Variants in TRAPPC12 observed in about 807,000 individuals in gnomAD.
TRAPPC12 encodes the protein trafficking protein particle complex subunit 12.
Under a neutral mutation model 69.2 loss-of-function variants are expected in TRAPPC12, and 61 were observed. That is an observed-to-expected ratio of 0.88 (90% CI 0.72 to 1.09). The LOEUF is 1.09. TRAPPC12 is among the 50% of genes least tolerant of loss of function. TRAPPC12 has a pLI of 0.00. For synonymous variants in TRAPPC12, 469 were observed against 438.9 expected (o/e 1.07, Z -0.86); for missense variants, 1,101 against 1,016.4 (o/e 1.08, Z -1.13).
At chr2:3,426,232 A>G (rs1351975267) in intron 5 of TRAPPC12, among the ~76,000 whole-genome samples, 1 of 152,254 alleles carries the variant, frequency 6.6e-6, no homozygotes, top group African/African-American at 2.4e-5. Context: ...GTAACTTTTA[A>G]TAACTAAAAT....
rs542706430 is a variant in TRAPPC12, at chr2:3,457,953, G to A, written c.1603+260G>A. 191 of 1,367,442 alleles carry A rather than the reference G, an allele frequency of 1.4e-4. 1 individual carries two copies. In the South Asian group the frequency reaches 1.4e-3, roughly 10 times the overall value. 84.7% of individuals were successfully genotyped at this position (1,367,442 alleles called of 1,614,324 possible). A position where few individuals can be genotyped will look rare whatever the true frequency, so the allele number is the denominator to read the frequency against. On this transcript the variant is annotated intron_variant, in intron 7 of 11. Transcript: ENST00000324266. ...CCTTCACCACAAAAGCACACGGCCC[G>A]GAACCTGCCACGCTGAGTGGTCTGA...
At chr2:3,415,009 C>T (rs1662290588) in intron 3 of TRAPPC12, among the ~76,000 whole-genome samples, 1 of 152,138 alleles carries the variant, frequency 6.6e-6, no homozygotes. Context: ...TACGGAGGAC[C>T]AACCAAGGAC....
chr2:3,465,648 G>A lies in TRAPPC12; in HGVS notation c.1729G>A (p.Glu577Lys). The change falls in exon 9 of 12, where the codon GAG becomes AAG. Residue 577 changes from glutamate (E) to lysine (K), a missense_variant. Coordinates refer to ENST00000324266, the MANE Select transcript of TRAPPC12 (RefSeq NM_016030.6). ...AYHSVIKYYP[E>K]QEPQLLSGIG... Reference sequence around the variant, plus strand: ...TCATTCGGTTATCAAGTATTACCCAGAGCAAGAGCCCCAGCTGCTCAGCGG... The same window carrying A: ...TCATTCGGTTATCAAGTATTACCCAAAGCAAGAGCCCCAGCTGCTCAGCGG... The A allele has an allele frequency of 6.2e-7, 1 of 1,614,210 alleles. No individual in the cohort carries two copies. The highest frequency in any genetic ancestry group is 8.5e-7 in the Non-Finnish European group (1 of 1,180,042).
intron 3 of TRAPPC12, 181 bp from the exon 4 acceptor site, chr2:3,421,700 C>T (rs763098789): frequency 1.9e-5 from 14 of 718,042 alleles, no homozygotes; most frequent in Middle Eastern, 4.6e-4. Context: ...ACACGTGCAG[C>T]GTTGACAAAT....
intron 8 of TRAPPC12, chr2:3,463,125 G>A: frequency 2.8e-6 from 1 of 353,678 alleles, no homozygotes; most frequent in Non-Finnish European, 5.8e-6. Context: ...TGGAGAGTAG[G>A]TTAAGCTCTC....
rs1660581870 is a variant in TRAPPC12 at position 3,387,989 on chromosome 2, C to G, written c.366C>G (p.Asp122Glu). 6.8e-7 allele frequency: 1 copy of G among 1,473,128 alleles called. No homozygotes were observed. The highest frequency in any genetic ancestry group is 1.3e-5 in the South Asian group (1 of 75,446). 91.3% of individuals were successfully genotyped at this position (1,473,128 alleles called of 1,614,324 possible). Residue 122 changes from aspartate (D) to glutamate (E), a missense_variant, in exon 2 of 12, where the codon GAC becomes GAG. Transcript: ENST00000324266. ...GEADGDCAPEDAAPSSGGAPR... is the reference protein window; with the variant it reads ...GEADGDCAPEEAAPSSGGAPR... ...CCGACGGCGACTGTGCCCCCGAGGACGCGGCACCCAGTAGCGGAGGGGCCC... is the reference window on the plus strand; with the variant it reads ...CCGACGGCGACTGTGCCCCCGAGGAGGCGGCACCCAGTAGCGGAGGGGCCC...
intron 8 of TRAPPC12, among the ~76,000 whole-genome samples, chr2:3,463,863 G>A (rs577390748): frequency 1.3e-5 from 2 of 152,276 alleles, no homozygotes; most frequent in South Asian, 2.1e-4. Flanking sequence ...TGCCCAGCAT[G>A]ATGGGTGCTC....
Position 3,398,177 on chromosome 2 carries a change from C to G in TRAPPC12, c.1048-3600C>G, listed in dbSNP as rs114933899. On this transcript the variant is annotated intron_variant, in intron 2 of 11. Transcript: ENST00000324266. Reference sequence around the variant, plus strand: ...AGTAATGCTACTGTGAACATTCACACACAGGCGTTTGTGTCTATGTGTTCT... The same window carrying G: ...AGTAATGCTACTGTGAACATTCACAGACAGGCGTTTGTGTCTATGTGTTCT... 6.1e-3 allele frequency among the ~76,000 whole-genome samples: 926 copies of G among 152,334 alleles called. 12 individuals carry two copies. Among genetic ancestry groups the G allele is most frequent in the African/African-American group, 0.021 (892 of 41,568 alleles).
chr2:3,448,803 TC>T, intron 6 of TRAPPC12, among the ~76,000 whole-genome samples: 1 of 152,148 alleles, frequency 6.6e-6, no homozygotes, highest in Non-Finnish European at 1.5e-5. Flanking sequence ...GGGAGCACAA[TC>T]CGGGCCGAGG....
At chr2:3,417,116 C>A (rs1466399634) in intron 3 of TRAPPC12, among the ~76,000 whole-genome samples, 2 of 152,162 alleles carry the variant, frequency 1.3e-5, no homozygotes. Context: ...GTTTACCAGG[C>A]ACTTTTCACG....
In TRAPPC12 at chr2:3,452,902, T is replaced by C. The variant is rs551727718; in HGVS notation, c.1531-4719T>C. Among the ~76,000 whole-genome samples, 147 of 152,380 alleles carry C rather than the reference T, an allele frequency of 9.6e-4. 1 individual carries two copies. The highest frequency in any genetic ancestry group is 3.4e-3 in the African/African-American group (143 of 41,594). On this transcript the variant is annotated intron_variant, in intron 6 of 11. Transcript: ENST00000324266. The stretch of plus-strand genomic sequence containing the variant: ...GTAATTAATATCCATTCAGCATCTT[T>C]AAAGCTTACAAAATGCTTCAAGTAC...
chr2:3,469,349 A>G (rs758057272), intron 9 of TRAPPC12, among the ~76,000 whole-genome samples: 5 of 152,272 alleles, frequency 3.3e-5, no homozygotes, highest in Non-Finnish European at 7.3e-5. Context: ...GGTAAATTTC[A>G]TAAGAAATAC....
chr2:3,471,400 T>A (rs527405221), intron 9 of TRAPPC12, among the ~76,000 whole-genome samples: 14 of 152,264 alleles, frequency 9.2e-5, no homozygotes, highest in Non-Finnish European at 1.9e-4. Flanking sequence ...ATAGCCACGT[T>A]CCCTGCCAAC....
chr2:3,421,956 A>C lies in TRAPPC12; in HGVS notation c.1240A>C (p.Ser414Arg), dbSNP rs1440720187. The part of the protein sequence containing the change: ...LTAHGQGYGK[S>R]GLLTSHTTDS... ...AGCCCACGGCCAGGGCTACGGCAAG[A>C]GCGGGCTGCTCACCAGCCACACGAC... The change falls in exon 4 of 12, where the codon AGC becomes CGC. Residue 414 changes from serine to arginine, a missense_variant. Physicochemically the swap from Ser to Arg is moderately radical, Grantham distance 110 (BLOSUM62 -1). Transcript: ENST00000324266. 1.2e-6 allele frequency: 2 copies of C among 1,613,480 alleles called. No individual in the cohort carries two copies. Among genetic ancestry groups the C allele is most frequent in the Admixed American group, 3.3e-5 (2 of 60,000 alleles).
intron 5 of TRAPPC12, among the ~76,000 whole-genome samples, chr2:3,431,846 T>C (rs370964822): frequency 7.2e-5 from 11 of 152,220 alleles, no homozygotes; most frequent in African/African-American, 1.9e-4. Context: ...ATATTCACTA[T>C]GTTAAAGAAA....
intron 10 of TRAPPC12, among the ~76,000 whole-genome samples, chr2:3,478,559 A>G (rs1349254966): frequency 6.6e-6 from 1 of 152,212 alleles, no homozygotes; most frequent in Non-Finnish European, 1.5e-5. Flanking sequence ...GCTTGAATCC[A>G]GGAGGCGGAG....
intron 9 of TRAPPC12, among the ~76,000 whole-genome samples, chr2:3,469,343 A>G (rs1432562627): frequency 6.6e-6 from 1 of 152,228 alleles, no homozygotes; most frequent in Non-Finnish European, 1.5e-5. Flanking sequence ...CAGAGGGGTA[A>G]ATTTCATAAG....
intron 9 of TRAPPC12, among the ~76,000 whole-genome samples, chr2:3,470,997 A>AAAATGTG: frequency 6.6e-6 from 1 of 152,216 alleles, no homozygotes; most frequent in African/African-American, 2.4e-5. Flanking sequence ...AAAATTTTGC[A>AAAATGTG]TTGAATGTAG....
chr2:3,449,006 C>G (rs889390998), intron 6 of TRAPPC12, among the ~76,000 whole-genome samples: 1 of 152,204 alleles, frequency 6.6e-6, no homozygotes, highest in Admixed American at 6.5e-5. Flanking sequence ...TCTTTACAAA[C>G]GAGTTCAGGG....
Sources: gnomAD v4.1 joint callset for allele counts (sites outside exome capture counted in the v4.1 genomes callset) on GRCh38, gnomAD v4.1.1 for gene constraint, MANE v1.5 for transcripts, NCBI Gene and HGNC (gene_info 2026-07-23, HGNC 2026-07-21) for gene names.